DENND1B: variants seen among roughly 807,000 people sequenced by gnomAD.
The protein encoded by DENND1B is DENN domain containing 1B, also known as DENN domain-containing protein 1B.
A neutral mutation model predicts 90.1 loss-of-function variants in DENND1B; 59 were observed. The observed-to-expected ratio is 0.65, with a 90% CI of 0.53 to 0.81. The LOEUF is 0.81. Ranked by LOEUF, DENND1B falls within the 40% of genes least tolerant of loss-of-function variation. The pLI is 0.00. For synonymous variants in DENND1B, 337 were observed against 324.6 expected (o/e 1.04, Z -0.41); for missense variants, 862 against 912.6 (o/e 0.94, Z 0.71).
intron 2 of DENND1B, among the ~76,000 whole-genome samples, chr1:197,766,113 T>C (rs965531033): frequency 6.6e-6 from 1 of 152,208 alleles, no homozygotes; most frequent in Non-Finnish European, 1.5e-5. Context: ...TTTTATTTTT[T>C]AATAGAGATG....
chr1:197,564,453 C>G (rs1672451245), intron 15 of DENND1B, among the ~76,000 whole-genome samples: 1 of 143,260 alleles, frequency 7.0e-6, no homozygotes, highest in Non-Finnish European at 1.5e-5. Flanking sequence ...TTATCATTAC[C>G]ATATTTTAGT....
chr1:197,752,605 A>G (rs1653703344), intron 2 of DENND1B, among the ~76,000 whole-genome samples: 1 of 151,988 alleles, frequency 6.6e-6, no homozygotes, highest in East Asian at 1.9e-4. Flanking sequence ...CTTTGGCAAA[A>G]ACACCAAAAT....
intron 7 of DENND1B, among the ~76,000 whole-genome samples, chr1:197,650,334 G>A (rs1162978057): frequency 6.6e-6 from 1 of 152,114 alleles, no homozygotes; most frequent in Non-Finnish European, 1.5e-5. Context: ...ATATTAAACT[G>A]ATCACCTGAT....
At chr1:197,739,660 T>A (rs937780185) in intron 2 of DENND1B, among the ~76,000 whole-genome samples, 1 of 152,052 alleles carries the variant, frequency 6.6e-6, no homozygotes, top group Non-Finnish European at 1.5e-5. Context: ...GTTAAAAGCA[T>A]GAAAAGACAA....
intron 12 of DENND1B, among the ~76,000 whole-genome samples, chr1:197,610,971 C>G (rs1353878460): frequency 6.6e-6 from 1 of 150,638 alleles, no homozygotes; most frequent in Non-Finnish European, 1.5e-5. Flanking sequence ...AATCCACAAC[C>G]TGGACCTCCT....
chr1:197,758,465 T>C (rs1316788024), intron 2 of DENND1B, among the ~76,000 whole-genome samples: 1 of 152,202 alleles, frequency 6.6e-6, no homozygotes, highest in African/African-American at 2.4e-5. Context: ...TCTATCTACA[T>C]GGTGCAATTT....
intron 7 of DENND1B, among the ~76,000 whole-genome samples, chr1:197,648,437 G>GT (rs1214219283): frequency 2.0e-5 from 3 of 151,894 alleles, no homozygotes; most frequent in Admixed American, 1.3e-4. Flanking sequence ...TCAATAGCTG[G>GT]TTTTTTTGAG....
intron 4 of DENND1B, among the ~76,000 whole-genome samples, chr1:197,672,946 G>A (rs1043202111): frequency 2.6e-5 from 4 of 151,588 alleles, no homozygotes; most frequent in Admixed American, 6.6e-5. Flanking sequence ...AACCATAACC[G>A]AACTTTTGCT....
At chr1:197,678,930 A>T (rs1656366794) in intron 3 of DENND1B, among the ~76,000 whole-genome samples, 1 of 152,016 alleles carries the variant, frequency 6.6e-6, no homozygotes, top group African/African-American at 2.4e-5. Context: ...TTTCTCTTGG[A>T]TTTTACTTTT....
intron 13 of DENND1B, among the ~76,000 whole-genome samples, 154 bp from the exon 14 acceptor site, chr1:197,595,487 G>A (rs1010334088): frequency 4.6e-5 from 7 of 152,116 alleles, no homozygotes; most frequent in Admixed American, 3.9e-4. Context: ...GAGAGCACCT[G>A]CTGGTCTGTT....
At chr1:197,552,203 GA>G in intron 16 of DENND1B, 1 of 978,954 alleles carries the variant, frequency 1.0e-6, no homozygotes, top group Non-Finnish European at 1.2e-6. Context: ...AACATACAAA[GA>G]AGTTTAAAAA....
At chr1:197,635,829 G>A (rs1356778017) in intron 10 of DENND1B, among the ~76,000 whole-genome samples, 1 of 152,140 alleles carries the variant, frequency 6.6e-6, no homozygotes, top group Non-Finnish European at 1.5e-5. Context: ...AAGCATGCAT[G>A]TGGGAGATTT....
intron 2 of DENND1B, among the ~76,000 whole-genome samples, chr1:197,745,691 T>C (rs1414183151): frequency 6.7e-6 from 1 of 149,714 alleles, no homozygotes; most frequent in Non-Finnish European, 1.5e-5. Context: ...TTATATTATC[T>C]TGAGTTATAA....
intron 20 of DENND1B, among the ~76,000 whole-genome samples, chr1:197,519,840 A>C (rs16841648): frequency 0.018 from 2,767 of 152,026 alleles, 89 homozygotes; most frequent in African/African-American, 0.063. Context: ...ATTGGGGCTT[A>C]TGTTGGTACA....
At chr1:197,746,346 A>G (rs1247137712) in intron 2 of DENND1B, among the ~76,000 whole-genome samples, 1 of 152,150 alleles carries the variant, frequency 6.6e-6, no homozygotes, top group Non-Finnish European at 1.5e-5. Context: ...AGTGAGCCAA[A>G]ATCATGCTAC....
intron 5 of DENND1B, among the ~76,000 whole-genome samples, chr1:197,659,252 T>C (rs1390679953): frequency 6.6e-6 from 1 of 151,642 alleles, no homozygotes; most frequent in East Asian, 1.9e-4. Flanking sequence ...ACATAACATG[T>C]AAAATTTAAA....
At chr1:197,609,771 ACT>A (rs1259491887) in intron 12 of DENND1B, among the ~76,000 whole-genome samples, 1 of 150,446 alleles carries the variant, frequency 6.6e-6, no homozygotes, top group Non-Finnish European at 1.5e-5. Context: ...ATGTGTTGAA[ACT>A]CTCTTGACCA....
intron 15 of DENND1B, 146 bp from the exon 16 acceptor site, chr1:197,553,258 T>C (rs1671406721): frequency 3.6e-6 from 2 of 554,416 alleles, no homozygotes; most frequent in Non-Finnish European, 2.9e-6. Context: ...ATATGGTGTA[T>C]ATATACACAC....
intron 10 of DENND1B, among the ~76,000 whole-genome samples, chr1:197,628,088 T>C (rs1403143377): frequency 3.3e-5 from 5 of 152,104 alleles, no homozygotes. Flanking sequence ...ATCATGAAAA[T>C]GGCCATACTG....
Sources: allele counts gnomAD v4.1 joint callset (sites outside exome capture counted in the v4.1 genomes callset), GRCh38; gene constraint gnomAD v4.1.1; transcripts MANE v1.5; gene names NCBI Gene and HGNC (gene_info 2026-07-23, HGNC 2026-07-21).